Variants in NCOA6 observed in about 807,000 individuals in gnomAD.
NCOA6 encodes the protein nuclear receptor coactivator 6.
A neutral mutation model predicts 171.4 loss-of-function variants in NCOA6; 49 were observed. The ratio of observed to expected loss-of-function variants is 0.29; its 90% confidence interval spans 0.23 to 0.36. NCOA6 has a LOEUF of 0.36. NCOA6 is among the 10% of genes least tolerant of loss of function. The pLI, the probability that NCOA6 is intolerant of heterozygous loss-of-function variation, is 1.00. For synonymous variants in NCOA6, 910 were observed against 927.5 expected, an observed-to-expected ratio of 0.98 and a Z score of 0.34; for missense variants, 2,248 against 2,554.5, an observed-to-expected ratio of 0.88 and a Z score of 2.59.
intron 4 of NCOA6, among the ~76,000 whole-genome samples, chr20:34,772,156 T>C (rs548177827): frequency 4.6e-5 from 7 of 152,160 alleles, no homozygotes; most frequent in African/African-American, 1.7e-4. Context: ...CCCGTCTCTA[T>C]AAAAAATTAG....
intron 14 of NCOA6, among the ~76,000 whole-genome samples, chr20:34,719,001 C>T (rs532396837): frequency 6.6e-6 from 1 of 152,310 alleles, no homozygotes; most frequent in East Asian, 1.9e-4. Context: ...ATAGTTCAAA[C>T]TCTAGCAGTG....
chr20:34,762,350 A>G (rs1426240083), intron 5 of NCOA6, among the ~76,000 whole-genome samples: 3 of 152,212 alleles, frequency 2.0e-5, no homozygotes, highest in Non-Finnish European at 2.9e-5. Flanking sequence ...GTAACAGCAC[A>G]TAGGTAAACC....
At chr20:34,739,727 G>A (rs1011863195) in intron 11 of NCOA6, among the ~76,000 whole-genome samples, 3 of 152,106 alleles carry the variant, frequency 2.0e-5, no homozygotes, top group Admixed American at 6.5e-5. Context: ...CATACAATGG[G>A]GTTAAGAATA....
intron 7 of NCOA6, among the ~76,000 whole-genome samples, chr20:34,756,581 C>T (rs757050560): frequency 7.2e-5 from 11 of 152,174 alleles, no homozygotes; most frequent in Non-Finnish European, 1.3e-4. Context: ...TTACCTCTCA[C>T]ACATTAAGCT....
In NCOA6 at chr20:34,814,262, C is replaced by T. The variant is rs557030398; in HGVS notation, c.-164+11210G>A. Among the ~76,000 whole-genome samples, 32 of 152,144 alleles carry T rather than the reference C, an allele frequency of 2.1e-4. No homozygotes were observed. In the South Asian group the frequency reaches 6.4e-3, roughly 31 times the overall value. On this transcript the variant is annotated intron_variant, in intron 1 of 14. Coordinates refer to ENST00000359003, the MANE Select transcript of NCOA6 (RefSeq NM_014071.5). ...GCTGAGGTAGGAGAACTGCTTGAAC[C>T]TGGGAGGTGGAGGTTGCAGTGAGCT...
At chr20:34,724,923 G>C (rs1216264662) in intron 14 of NCOA6, among the ~76,000 whole-genome samples, 1 of 151,724 alleles carries the variant, frequency 6.6e-6, no homozygotes, top group East Asian at 1.9e-4. Context: ...TGAATAGCTG[G>C]GATTACAGGC....
intron 5 of NCOA6, among the ~76,000 whole-genome samples, chr20:34,764,854 C>T (rs1272540924): frequency 6.6e-6 from 1 of 151,922 alleles, no homozygotes; most frequent in Non-Finnish European, 1.5e-5. Context: ...TGGCTCACAC[C>T]TGTAATCTCA....
At chr20:34,809,105 C>G (rs573794544) in intron 1 of NCOA6, among the ~76,000 whole-genome samples, 3 of 152,156 alleles carry the variant, frequency 2.0e-5, no homozygotes, top group Non-Finnish European at 4.4e-5. Flanking sequence ...TGGATTTATC[C>G]ATGCCTCCAT....
intron 13 of NCOA6, 122 bp downstream of exon 13, chr20:34,732,437 G>C: frequency 1.2e-6 from 1 of 859,462 alleles, no homozygotes; most frequent in Non-Finnish European, 1.8e-6. Flanking sequence ...AGTAAAAACA[G>C]ACTGGTGCAA....
chr20:34,741,907 T>A lies in NCOA6; in HGVS notation c.4349A>T (p.Lys1450Ile), dbSNP rs1371257302. 1 of 1,614,224 alleles carries A rather than the reference T, an allele frequency of 6.2e-7. No individual in the cohort carries two copies. Among genetic ancestry groups the A allele is most frequent in the African/African-American group, 1.3e-5 (1 of 75,052 alleles). Residue 1450 changes from lysine to isoleucine, a missense_variant, in exon 11 of 15, where the codon AAA becomes ATA. Physicochemically the swap from Lys to Ile is moderately radical, Grantham distance 102. This residue lies in a region of NCOA6 where 884 missense variants were observed against 941.9 expected (regional missense o/e 0.94). Coordinates refer to ENST00000359003, the MANE Select transcript of NCOA6 (RefSeq NM_014071.5). ...ELKAVPAQEV[K>I]MVVPEDQSKK... The stretch of plus-strand genomic sequence containing the variant: ...GGACTGATCTTCAGGGACAACCATT[T>A]TAACTTCTTGGGCAGGGACTGCTTT...
chr20:34,734,152 C>A (rs1032189420), intron 12 of NCOA6, among the ~76,000 whole-genome samples: 1 of 152,132 alleles, frequency 6.6e-6, no homozygotes, highest in Non-Finnish European at 1.5e-5. Context: ...GCAACCCCCA[C>A]CTCCAGGGTT....
At chr20:34,774,067 A>G (rs990699907) in intron 4 of NCOA6, among the ~76,000 whole-genome samples, 10 of 152,244 alleles carry the variant, frequency 6.6e-5, no homozygotes, top group Non-Finnish European at 2.9e-5. Flanking sequence ...GTTTAAATTT[A>G]TGGCTATAAT....
Position 34,817,548 on chromosome 20 carries a change from A to ACT in NCOA6, c.-164+7923_-164+7924insAG, listed in dbSNP as rs1344055953. Among the ~76,000 whole-genome samples, 632 of 152,312 alleles carry ACT rather than the reference A, an allele frequency of 4.1e-3. 2 individuals carry two copies. Among genetic ancestry groups the ACT allele is most frequent in the African/African-American group, 0.015 (604 of 41,560 alleles). On this transcript the variant is annotated intron_variant, in intron 1 of 14. Coordinates refer to ENST00000359003, the MANE Select transcript of NCOA6 (RefSeq NM_014071.5). Reference sequence around the variant, plus strand: ...TAGTATTTCATTTGTGTATACATCTAAATGTAACTCTAGTTATTTACTAAT... The same window carrying ACT: ...TAGTATTTCATTTGTGTATACATCTACTAATGTAACTCTAGTTATTTACTAAT...
chr20:34,785,016 G>A (rs1203071326), intron 2 of NCOA6, among the ~76,000 whole-genome samples: 1 of 152,072 alleles, frequency 6.6e-6, no homozygotes, highest in Non-Finnish European at 1.5e-5. Flanking sequence ...TGGAGGCGGA[G>A]GCTGCAGTGA....
intron 12 of NCOA6, among the ~76,000 whole-genome samples, chr20:34,734,271 C>A (rs1357749186): frequency 6.6e-6 from 1 of 152,148 alleles, no homozygotes; most frequent in Non-Finnish European, 1.5e-5. Flanking sequence ...GCCATGTTGG[C>A]CAGGCTTGTC....
At chr20:34,816,243 G>A (rs918940952) in intron 1 of NCOA6, among the ~76,000 whole-genome samples, 5 of 152,126 alleles carry the variant, frequency 3.3e-5, no homozygotes, top group Admixed American at 6.6e-5. Context: ...TACCTGTTAT[G>A]TGTTGACTTG....
intron 14 of NCOA6, among the ~76,000 whole-genome samples, chr20:34,724,606 C>T (rs1173057571): frequency 6.6e-6 from 1 of 152,162 alleles, no homozygotes; most frequent in South Asian, 2.1e-4. Context: ...GTCACTGCCT[C>T]CTCATTCTTC....
rs1271485592 is a variant in NCOA6, at chr20:34,766,818, A to T, written c.514+1646T>A. Reference sequence around the variant, plus strand: ...ACCCAGATTTCCTGATGCTCATCCCAGGTTTATTCATTCTTTCATTAACTA... The same window carrying T: ...ACCCAGATTTCCTGATGCTCATCCCTGGTTTATTCATTCTTTCATTAACTA... On this transcript the variant is annotated intron_variant, in intron 5 of 14. Coordinates refer to ENST00000359003, the MANE Select transcript of NCOA6 (RefSeq NM_014071.5). 3.9e-5 allele frequency among the ~76,000 whole-genome samples: 6 copies of T among 152,184 alleles called. No homozygotes were observed. In the East Asian group the frequency reaches 9.6e-4, roughly 24 times the overall value.
chr20:34,737,288 A>C (rs367558441), intron 11 of NCOA6, among the ~76,000 whole-genome samples: 3 of 152,326 alleles, frequency 2.0e-5, no homozygotes, highest in African/African-American at 7.2e-5. Context: ...TAAATAAATA[A>C]ATTTGATATG....
Sources: allele counts gnomAD v4.1 joint callset (sites outside exome capture counted in the v4.1 genomes callset), GRCh38; gene constraint gnomAD v4.1.1; regional missense constraint gnomAD v4.1.1; transcripts MANE v1.5; gene names NCBI Gene and HGNC (gene_info 2026-07-23, HGNC 2026-07-21).